RBFOX1: variants seen among roughly 807,000 people sequenced by gnomAD.
RBFOX1 encodes the protein RNA binding protein fox-1 homolog 1.
A neutral mutation model predicts 57.7 loss-of-function variants in RBFOX1; 8 were observed. The observed-to-expected ratio is 0.14, with a 90% confidence interval of 0.08 to 0.25. The LOEUF is 0.25. Among genes scored for constraint, RBFOX1 ranks in the 10% least tolerant of loss-of-function variants. The pLI is 1.00. For missense variants in RBFOX1, 611 were observed against 548.5 expected, an observed-to-expected ratio of 1.11 and a Z score of -1.14; for synonymous variants, 326 against 222.4, an observed-to-expected ratio of 1.47 and a Z score of -4.15.
At chr16:6,826,803 G>A (rs1298953361) in intron 3 of RBFOX1, among the ~76,000 whole-genome samples, 1 of 152,058 alleles carries the variant, frequency 6.6e-6, no homozygotes, top group Non-Finnish European at 1.5e-5. Context: ...GAAATCTCAT[G>A]AATTTAAACA....
chr16:7,100,201 T>A (rs1044307314), intron 4 of RBFOX1, among the ~76,000 whole-genome samples: 9 of 151,992 alleles, frequency 5.9e-5, no homozygotes, highest in Non-Finnish European at 8.8e-5. Context: ...GAAATTTGTG[T>A]GTTAAAGGAA....
At chr16:6,792,797 G>T (rs933164118) in intron 3 of RBFOX1, among the ~76,000 whole-genome samples, 1 of 152,174 alleles carries the variant, frequency 6.6e-6, no homozygotes, top group Non-Finnish European at 1.5e-5. Flanking sequence ...CTGGGAGGCC[G>T]AGGCAGATGG....
intron 2 of RBFOX1, among the ~76,000 whole-genome samples, chr16:5,498,216 C>T (rs985113468): frequency 2.0e-5 from 3 of 152,144 alleles, no homozygotes; most frequent in Non-Finnish European, 4.4e-5. Context: ...GATCTCGGCC[C>T]ACTGCAACTT....
chr16:5,598,140 T>C (rs2047248238), intron 2 of RBFOX1, among the ~76,000 whole-genome samples: 1 of 150,980 alleles, frequency 6.6e-6, no homozygotes, highest in Non-Finnish European at 1.5e-5. Flanking sequence ...CTACTAAAAA[T>C]ACAAAAACTT....
intron 1 of RBFOX1, among the ~76,000 whole-genome samples, chr16:5,248,234 G>A (rs2062352889): frequency 6.6e-6 from 1 of 152,228 alleles, no homozygotes; most frequent in Non-Finnish European, 1.5e-5. Context: ...TTTCCCCCAA[G>A]TTTTATAATG....
intron 2 of RBFOX1, among the ~76,000 whole-genome samples, chr16:6,647,505 C>T (rs144281455): frequency 1.4e-4 from 21 of 152,274 alleles, no homozygotes; most frequent in African/African-American, 4.6e-4. Flanking sequence ...GCCTTAGACT[C>T]CCAAAGTGAT....
intron 2 of RBFOX1, among the ~76,000 whole-genome samples, chr16:5,581,425 C>G (rs1596336755): frequency 1.3e-5 from 2 of 152,194 alleles, no homozygotes; most frequent in East Asian, 3.9e-4. Flanking sequence ...GAGGGAGAAT[C>G]CAGTGGCAAC....
chr16:6,180,741 T>A (rs960584813), intron 1 of RBFOX1, among the ~76,000 whole-genome samples: 1 of 151,936 alleles, frequency 6.6e-6, no homozygotes, highest in African/African-American at 2.4e-5. Context: ...AATTTTTGTG[T>A]TTTTAGTAGA....
intron 3 of RBFOX1, chr16:6,704,283 A>T (rs1482720377): frequency 6.6e-6 from 1 of 152,196 alleles, no homozygotes; most frequent in Non-Finnish European, 1.5e-5. Context: ...CTCCACAGAG[A>T]TATGCAATGC....
intron 1 of RBFOX1, among the ~76,000 whole-genome samples, chr16:6,084,939 G>C (rs1274876203): frequency 6.6e-6 from 1 of 151,984 alleles, no homozygotes; most frequent in Non-Finnish European, 1.5e-5. Context: ...TTTCTTGTGA[G>C]GAAAAGGAAA....
At chr16:5,763,139 G>T (rs998945673) in intron 3 of RBFOX1, among the ~76,000 whole-genome samples, 1 of 152,200 alleles carries the variant, frequency 6.6e-6, no homozygotes, top group African/African-American at 2.4e-5. Context: ...CCCAACACAA[G>T]AATGTGGGGC....
At chr16:7,416,188 G>T (rs1323502469) in intron 4 of RBFOX1, among the ~76,000 whole-genome samples, 1 of 152,178 alleles carries the variant, frequency 6.6e-6, no homozygotes, top group Admixed American at 6.5e-5. Context: ...ACTGAAATGG[G>T]AAGTGACAGA....
intron 3 of RBFOX1, among the ~76,000 whole-genome samples, chr16:6,792,716 A>T (rs1160982964): frequency 2.0e-5 from 3 of 151,906 alleles, no homozygotes; most frequent in African/African-American, 7.3e-5. Context: ...TTCAAAATAG[A>T]TTGTTCTTGA....
At chr16:6,050,743 G>T (rs1407884790) in intron 1 of RBFOX1, among the ~76,000 whole-genome samples, 1 of 151,908 alleles carries the variant, frequency 6.6e-6, no homozygotes. Context: ...TAGTCAGGGG[G>T]TATAGTTTAT....
intron 1 of RBFOX1, among the ~76,000 whole-genome samples, chr16:5,393,300 G>T (rs2066464137): frequency 1.3e-5 from 2 of 152,170 alleles, no homozygotes; most frequent in African/African-American, 2.4e-5. Context: ...GGATGATTGG[G>T]GGTTGGATCC....
At chr16:5,530,919 C>G (rs2044441683) in intron 2 of RBFOX1, among the ~76,000 whole-genome samples, 2 of 119,448 alleles carry the variant, frequency 1.7e-5, no homozygotes, top group African/African-American at 3.0e-5. Flanking sequence ...GAAACCCTGT[C>G]TCTACTAAAA....
In RBFOX1 at chr16:6,637,177, TATATA is replaced by T. The variant is rs1214036466; in HGVS notation, c.-63-17420_-63-17416del. ...AATATATATTATATATTATATATAT[TATATA>T]ATATACAATATATATTATATATTAT... On this transcript the variant is annotated intron_variant, in intron 2 of 15. Transcript: ENST00000550418. Among the ~76,000 whole-genome samples, 20 of 69,092 alleles carry T rather than the reference TATATA, an allele frequency of 2.9e-4. 1 individual carries two copies. The highest frequency in any genetic ancestry group is 4.5e-4 in the South Asian group (1 of 2,224). 45.3% of individuals were successfully genotyped at this position (69,092 alleles called of 152,430 possible). A position where few individuals can be genotyped will look rare whatever the true frequency, so the allele number is the denominator to read the frequency against.
chr16:5,787,357 G>C (rs1310293539), intron 3 of RBFOX1, among the ~76,000 whole-genome samples: 1 of 152,130 alleles, frequency 6.6e-6, no homozygotes, highest in Admixed American at 6.5e-5. Flanking sequence ...GAAGACCAAT[G>C]ATGTTTCCTG....
At chr16:6,013,974 A>AG (rs1446254964) in intron 4 of RBFOX1, among the ~76,000 whole-genome samples, 1 of 29,504 alleles carries the variant, frequency 3.4e-5, no homozygotes, top group Non-Finnish European at 7.0e-5. Context: ...GGATGGGGGG[A>AG]GGGGGGAGGG....
Sources: gnomAD v4.1 joint callset for allele counts (sites outside exome capture counted in the v4.1 genomes callset) on GRCh38, gnomAD v4.1.1 for gene constraint, MANE v1.5 for transcripts, NCBI Gene and HGNC (gene_info 2026-07-23, HGNC 2026-07-21) for gene names.